NDC80: variants seen among roughly 807,000 people sequenced by gnomAD.
NDC80 encodes the protein kinetochore protein NDC80 homolog.
In NDC80, 69 loss-of-function variants were observed where a neutral mutation model predicts 89.3. That is an observed-to-expected ratio of 0.77 (90% confidence interval 0.64 to 0.94). The LOEUF (loss-of-function observed/expected upper bound fraction) is 0.94. Among genes scored for constraint, NDC80 ranks in the 40% least tolerant of loss-of-function variants. NDC80 has a pLI of 0.00. For missense variants in NDC80, 593 were observed against 739.6 expected (o/e 0.80, Z 2.30); for synonymous variants, 243 against 255.6 (o/e 0.95, Z 0.47).
At chr18:2,589,928 AAAAT>A in intron 9 of NDC80, 86 bp from the exon 10 acceptor site, 2 of 951,732 alleles carry the variant, frequency 2.1e-6, no homozygotes, top group Non-Finnish European at 2.8e-6. Flanking sequence ...ACCTTTCTCT[AAAAT>A]AAATTTAAAT....
At chr18:2,597,959 A>G (rs1321318183) in intron 11 of NDC80, among the ~76,000 whole-genome samples, 2 of 152,182 alleles carry the variant, frequency 1.3e-5, no homozygotes, top group Non-Finnish European at 1.5e-5. Flanking sequence ...GAAAATAGGT[A>G]ATAGGCTGTT....
intron 15 of NDC80, among the ~76,000 whole-genome samples, chr18:2,610,010 A>T (rs1464592807): frequency 6.6e-6 from 1 of 152,220 alleles, no homozygotes; most frequent in Admixed American, 6.5e-5. Context: ...TAATCAAATT[A>T]TACGTTGTCA....
intron 12 of NDC80, among the ~76,000 whole-genome samples, chr18:2,600,589 C>T (rs1379111845): frequency 6.7e-6 from 1 of 149,954 alleles, no homozygotes; most frequent in Non-Finnish European, 1.5e-5. Context: ...GCCTGGGCAA[C>T]AGAGTGAGAT....
At chr18:2,572,810 A>G (rs943446085) in intron 1 of NDC80, among the ~76,000 whole-genome samples, 167 bp from the exon 2 acceptor site, 1 of 152,252 alleles carries the variant, frequency 6.6e-6, no homozygotes, top group Non-Finnish European at 1.5e-5. Flanking sequence ...TTCCTTGCAA[A>G]TGAGAACTTC....
intron 11 of NDC80, 118 bp downstream of exon 11, chr18:2,595,739 A>G: frequency 1.4e-6 from 1 of 691,578 alleles, no homozygotes; most frequent in East Asian, 2.8e-5. Flanking sequence ...AAACATTAGC[A>G]TTGACATTTT....
chr18:2,589,166 A>T (rs780492103), intron 8 of NDC80, 38 bp from the exon 9 acceptor site: 33 of 1,327,610 alleles, frequency 2.5e-5, no homozygotes. Flanking sequence ...TTCTAGGCGG[A>T]TTTGAGGTCT....
chr18:2,597,022 G>T (rs2072660361), intron 11 of NDC80, among the ~76,000 whole-genome samples: 2 of 151,850 alleles, frequency 1.3e-5, no homozygotes, highest in Admixed American at 1.3e-4. Context: ...TCTGGGGACT[G>T]TTGTGGGGTG....
chr18:2,579,546 GC>G (rs2072565622), intron 6 of NDC80, among the ~76,000 whole-genome samples: 1 of 152,104 alleles, frequency 6.6e-6, no homozygotes, highest in South Asian at 2.1e-4. Flanking sequence ...TCCTGCCTCA[GC>G]CTCCTGAGTA....
At chr18:2,591,423 T>A (rs866123174) in intron 10 of NDC80, among the ~76,000 whole-genome samples, 15 of 152,218 alleles carry the variant, frequency 9.9e-5, no homozygotes, top group Middle Eastern at 3.4e-3. Flanking sequence ...CTACTTCTGT[T>A]TGTTTCTTTT....
At chr18:2,575,946 A>G (rs2072544286) in intron 3 of NDC80, among the ~76,000 whole-genome samples, 1 of 152,144 alleles carries the variant, frequency 6.6e-6, no homozygotes, top group Non-Finnish European at 1.5e-5. Flanking sequence ...TTTCAATTTA[A>G]AAATTAGCCA....
intron 2 of NDC80, among the ~76,000 whole-genome samples, chr18:2,573,878 T>A (rs1381628319): frequency 6.6e-6 from 1 of 152,170 alleles, no homozygotes. Flanking sequence ...ATTGTCAATG[T>A]TTTTTTGCCT....
At position 2,614,549 on chromosome 18, in the gene NDC80, AAG is replaced by A. The variant is rs1568015920; in HGVS notation, c.1792-1887_1792-1886del. On this transcript the variant is annotated intron_variant, in intron 16 of 16. Transcript: ENST00000261597. ...GAAGGAAGGAAGGAAGGAAGGAAGGAAGGAAGGAAGGAAGGGAAAGAAAGAAA... is the reference window on the plus strand; with the variant it reads ...GAAGGAAGGAAGGAAGGAAGGAAGGAGAAGGAAGGAAGGGAAAGAAAGAAA... The A allele has an allele frequency of 5.0e-3, 23 of 4,570 alleles. 10 individuals carry two copies. The highest frequency in any genetic ancestry group is 0.03 in the African/African-American group (23 of 764). 0.3% of individuals were successfully genotyped at this position (4,570 alleles called of 1,614,324 possible).
intron 10 of NDC80, chr18:2,595,008 C>T (rs1387626812): frequency 6.6e-6 from 1 of 152,388 alleles, no homozygotes; most frequent in African/African-American, 2.4e-5. Flanking sequence ...TGGATGCATG[C>T]ATGAACCCAG....
intron 15 of NDC80, among the ~76,000 whole-genome samples, chr18:2,610,328 T>C (rs1424414986): frequency 1.3e-5 from 2 of 152,256 alleles, no homozygotes; most frequent in Non-Finnish European, 2.9e-5. Flanking sequence ...TCTCTTCACT[T>C]CTTTATTTGT....
intron 15 of NDC80, among the ~76,000 whole-genome samples, chr18:2,610,232 T>C (rs1374084732): frequency 1.3e-5 from 2 of 152,354 alleles, no homozygotes; most frequent in Middle Eastern, 3.4e-3. Flanking sequence ...ATGTAAAATA[T>C]ACATTTTTTA....
At chr18:2,575,235 A>T (rs914937112) in intron 3 of NDC80, among the ~76,000 whole-genome samples, 169 bp downstream of exon 3, 4 of 152,266 alleles carry the variant, frequency 2.6e-5, no homozygotes, top group Non-Finnish European at 5.9e-5. Context: ...TGCTGTAGAC[A>T]GTGTAGCTAA....
Position 2,590,159 on chromosome 18 carries a change from G to A in NDC80, c.1012G>A (p.Val338Ile), listed in dbSNP as rs1177833614. 6.3e-7 allele frequency: 1 copy of A among 1,597,506 alleles called. No homozygotes were observed. Among genetic ancestry groups the A allele is most frequent in the Non-Finnish European group, 8.5e-7 (1 of 1,174,290 alleles). ...TGGTCTCAATGAGGAAATTGCTAGA[G>A]TAGGTAAGCAGAGCTAATGCTAAAA... ...LNGLNEEIAR[V>I]ELECETIKQE... The change falls in exon 10 of 17, where the codon GTA becomes ATA. Residue 338 changes from valine (V) to isoleucine (I), a missense_variant. Physicochemically the swap from Val to Ile is conservative, Grantham distance 29 (BLOSUM62 3). Transcript: ENST00000261597.
intron 11 of NDC80, among the ~76,000 whole-genome samples, chr18:2,598,142 A>G (rs753448769): frequency 3.9e-5 from 6 of 152,188 alleles, no homozygotes; most frequent in Non-Finnish European, 8.8e-5. Context: ...GGAAATTGCA[A>G]ATTGGTTAAG....
At chr18:2,608,434 G>T (rs145625254) in intron 14 of NDC80, among the ~76,000 whole-genome samples, 1 of 152,056 alleles carries the variant, frequency 6.6e-6, no homozygotes, top group East Asian at 1.9e-4. Context: ...TCAAACCCTT[G>T]ACTTCAAGTG....
Sources: gnomAD v4.1 joint callset for allele counts (sites outside exome capture counted in the v4.1 genomes callset) on GRCh38, gnomAD v4.1.1 for gene constraint, MANE v1.5 for transcripts, NCBI Gene and HGNC (gene_info 2026-07-23, HGNC 2026-07-21) for gene names.